DNAH10: variants seen among roughly 807,000 people sequenced by gnomAD.
DNAH10 encodes the protein dynein axonemal heavy chain 10.
A neutral mutation model predicts 506.6 loss-of-function variants in DNAH10; 348 were observed. The ratio of observed to expected loss-of-function variants is 0.69; its 90% confidence interval spans 0.63 to 0.75. The LOEUF is 0.75. Ranked by LOEUF, DNAH10 falls within the 30% of genes least tolerant of loss-of-function variation. The pLI is 0.00. For missense variants in DNAH10, 5,179 were observed against 5,787.1 expected, an observed-to-expected ratio of 0.89 and a Z score of 3.41; for synonymous variants, 2,059 against 2,198.6, an observed-to-expected ratio of 0.94 and a Z score of 1.78.
At chr12:123,838,751 C>G in intron 29 of DNAH10, 62 bp downstream of exon 29, 2 of 1,461,794 alleles carry the variant, frequency 1.4e-6, no homozygotes, top group South Asian at 2.4e-5. Flanking sequence ...TCGGTCCTCC[C>G]TGGTTCCCTT....
At chr12:123,837,876 AT>A (rs1443263855) in intron 28 of DNAH10, among the ~76,000 whole-genome samples, 1 of 151,494 alleles carries the variant, frequency 6.6e-6, no homozygotes, top group Non-Finnish European at 1.5e-5. Context: ...AAGCACTGGG[AT>A]TACAGGCTTG....
Position 123,881,622 on chromosome 12 carries a change from C to G in DNAH10, c.8635-3C>G. On this transcript the variant is annotated splice_region_variant and splice_polypyrimidine_tract_variant and intron_variant, in intron 50 of 78. Transcript: ENST00000673944. ...TGAATTCTTTTTTTTTTTTTAAATG[C>G]AGGAAATTCTTGAAGAGTATAATGA... 6.6e-7 allele frequency: 1 copy of G among 1,504,786 alleles called. No individual in the cohort carries two copies. Among genetic ancestry groups the G allele is most frequent in the Non-Finnish European group, 8.8e-7 (1 of 1,132,168 alleles). 93.2% of individuals were successfully genotyped at this position (1,504,786 alleles called of 1,614,324 possible).
chr12:123,903,192 A>G lies in DNAH10; in HGVS notation c.9815+79A>G. The G allele has an allele frequency of 2.7e-6, 4 of 1,472,594 alleles. No homozygotes were observed. The highest frequency in any genetic ancestry group is 3.6e-6 in the Non-Finnish European group (4 of 1,108,242). The allele number at this position is 1,472,594 out of a possible 1,614,324, so 91.2% of individuals were successfully genotyped here. A position where few individuals can be genotyped will look rare whatever the true frequency, so the allele number is the denominator to read the frequency against. ...AGTCTCCATGATCGTGGCAACCAGG[A>G]GCTTACAAAGGAGCCGATGCCACAT... On this transcript the variant is annotated intron_variant, in intron 57 of 78. Transcript: ENST00000673944. This position sits in a 1 kb window ranked among gnomAD's most constrained non-coding sequence, Gnocchi z 4.6.
At chr12:123,804,078 G>A (rs539300788) in intron 17 of DNAH10, among the ~76,000 whole-genome samples, 1 of 151,910 alleles carries the variant, frequency 6.6e-6, no homozygotes, top group Non-Finnish European at 1.5e-5. Context: ...TTTTTTCTGA[G>A]ACGAGGGCTC....
Position 123,877,904 on chromosome 12 carries a change from G to A in DNAH10, c.8368G>A (p.Glu2790Lys), listed in dbSNP as rs770315329. 1 of 1,612,958 alleles carries A rather than the reference G, an allele frequency of 6.2e-7. No homozygotes were observed. The highest frequency in any genetic ancestry group is 1.7e-5 in the Admixed American group (1 of 59,808). ...TAATGGTCTTGTCCTCACTAACCCG[G>A]AGCGGTGAGTTTGATTTATCTTACT... ...VFNGLVLTNP[E>K]RFQTVAQMVR... Residue 2790 changes from glutamate (E) to lysine (K), a missense_variant, in exon 48 of 79, where the codon GAG (glutamate) becomes AAG (lysine). Coordinates refer to ENST00000673944, the MANE Select transcript of DNAH10 (RefSeq NM_001372106.1).
rs149181205 is a variant in DNAH10 at position 123,934,505 on chromosome 12, G to A, written c.13478-116G>A. On this transcript the variant is annotated intron_variant, in intron 77 of 78. Transcript: ENST00000673944. ...GAAGGGCCTGGGCTGTCCCCAATGC[G>A]CTGGGGAGGAGGCCAGCCAGTGGCC... 8.7e-3 allele frequency: 11,157 copies of A among 1,287,220 alleles called. 68 individuals are homozygous for A. Among genetic ancestry groups the A allele is most frequent in the South Asian group, 0.016 (1,220 of 76,744 alleles). The allele number at this position is 1,287,220 out of a possible 1,614,324, so 79.7% of individuals were successfully genotyped here. A position where few individuals can be genotyped will look rare whatever the true frequency, so the allele number is the denominator to read the frequency against.
intron 47 of DNAH10, among the ~76,000 whole-genome samples, chr12:123,877,022 G>T (rs1027386960): frequency 6.6e-6 from 1 of 152,094 alleles, no homozygotes; most frequent in African/African-American, 2.4e-5. Flanking sequence ...CAATTCAGTG[G>T]CACTTAGTCC....
intron 65 of DNAH10, among the ~76,000 whole-genome samples, chr12:123,922,325 G>A (rs1324973041): frequency 2.6e-5 from 4 of 152,064 alleles, no homozygotes; most frequent in East Asian, 1.9e-4. Context: ...GCAGTGAGCC[G>A]AGATCGCGCC....
chr12:123,829,372 G>A (rs186622945), intron 25 of DNAH10, among the ~76,000 whole-genome samples: 1 of 152,294 alleles, frequency 6.6e-6, no homozygotes, highest in East Asian at 1.9e-4. Flanking sequence ...AGGCCCAGTT[G>A]AAAGGTCAGT....
chr12:123,852,367 T>C (rs1465601558), intron 35 of DNAH10, among the ~76,000 whole-genome samples: 1 of 152,206 alleles, frequency 6.6e-6, no homozygotes, highest in Non-Finnish European at 1.5e-5. Flanking sequence ...ACTTTTAACA[T>C]AGAGGGTTGT....
chr12:123,826,645 A>G, intron 24 of DNAH10, 42 bp from the exon 25 acceptor site: 1 of 1,574,538 alleles, frequency 6.4e-7, no homozygotes, highest in African/African-American at 1.4e-5. Flanking sequence ...TGCATTTCCA[A>G]AGGGGTCTTT....
At chr12:123,910,737 T>C (rs1594353240) in intron 59 of DNAH10, 65 bp downstream of exon 59, 10 of 1,553,196 alleles carry the variant, frequency 6.4e-6, no homozygotes, top group Middle Eastern at 1.8e-4. Flanking sequence ...AGAATTCACA[T>C]GTACATACCT....
chr12:123,803,299 G>A (rs575760262), intron 16 of DNAH10, among the ~76,000 whole-genome samples: 2 of 152,254 alleles, frequency 1.3e-5, no homozygotes, highest in Non-Finnish European at 1.5e-5. Flanking sequence ...CTTGCTGTTC[G>A]TCTAAGCTCC....
chr12:123,836,566 C>T (rs1294882966), intron 28 of DNAH10, among the ~76,000 whole-genome samples: 1 of 152,162 alleles, frequency 6.6e-6, no homozygotes, highest in African/African-American at 2.4e-5. Context: ...TAACCCAGCT[C>T]TCCTGCTCTC....
intron 55 of DNAH10, 30 bp from the exon 56 acceptor site, chr12:123,898,623 A>C: frequency 6.8e-7 from 1 of 1,480,990 alleles, no homozygotes. Flanking sequence ...GGCCACCTCG[A>C]CGATGAACAT....
intron 11 of DNAH10, 87 bp downstream of exon 11, chr12:123,790,208 A>T (rs1958027773): frequency 1.5e-6 from 2 of 1,310,154 alleles, no homozygotes; most frequent in Non-Finnish European, 2.1e-6. Flanking sequence ...AGTGATGCTT[A>T]GTCTTTTTTT....
At chr12:123,770,760 A>G (rs1017596509) in intron 2 of DNAH10, among the ~76,000 whole-genome samples, 4 of 152,008 alleles carry the variant, frequency 2.6e-5, no homozygotes, top group African/African-American at 9.7e-5. Flanking sequence ...GCTGAGGGAA[A>G]GCTCCCAGGG....
chr12:123,871,914 A>T (rs567540785), intron 45 of DNAH10, among the ~76,000 whole-genome samples: 244 of 152,320 alleles, frequency 1.6e-3, no homozygotes, highest in Admixed American at 2.6e-3. Context: ...TGTGCTCAAC[A>T]TGGTAGAGTG....
At chr12:123,800,829 C>T (rs1958456759) in intron 15 of DNAH10, among the ~76,000 whole-genome samples, 1 of 151,920 alleles carries the variant, frequency 6.6e-6, no homozygotes, top group Non-Finnish European at 1.5e-5. Flanking sequence ...CCAGCCTGGC[C>T]AGCATGGTGA....
Sources: allele counts gnomAD v4.1 joint callset (sites outside exome capture counted in the v4.1 genomes callset), GRCh38; gene constraint gnomAD v4.1.1; non-coding constraint Gnocchi (gnomAD v3.1); transcripts MANE v1.5; gene names NCBI Gene and HGNC (gene_info 2026-07-23, HGNC 2026-07-21).